The following ASTN2 variants were observed in gnomAD, a reference collection of about 807,000 sequenced individuals.
ASTN2 encodes astrotactin 2, also known as astrotactin-2.
A neutral mutation model predicts 139.8 loss-of-function variants in ASTN2; 54 were observed. The ratio of observed to expected loss-of-function variants is 0.39; its 90% CI spans 0.31 to 0.48. The LOEUF is 0.48. Ranked by LOEUF, ASTN2 falls within the 20% of genes least tolerant of loss-of-function variation. ASTN2 has a pLI of 0.95. For missense variants in ASTN2, 1,565 were observed against 1,725.1 expected, an observed-to-expected ratio of 0.91 and a Z score of 1.64; for synonymous variants, 756 against 719.5, an observed-to-expected ratio of 1.05 and a Z score of -0.81.
chr9:117,159,072 C>T (rs552653218), intron 3 of ASTN2, among the ~76,000 whole-genome samples: 36 of 151,970 alleles, frequency 2.4e-4, no homozygotes, highest in South Asian at 4.2e-4. Flanking sequence ...TGGGAAATGC[C>T]GTGGAATGTT....
At chr9:116,441,272 GT>G (rs1847831688) in intron 21 of ASTN2, among the ~76,000 whole-genome samples, 1 of 151,804 alleles carries the variant, frequency 6.6e-6, no homozygotes, top group Non-Finnish European at 1.5e-5. Context: ...TCTTCTGCTT[GT>G]TGTTCATGGC....
rs994230568 is a variant in ASTN2, at chr9:116,729,195, C to T, written c.2522-99G>A. 3.5e-6 allele frequency: 3 copies of T among 860,398 alleles called. No individual in the cohort carries two copies. The African/African-American group carries it at 5.0e-5, about 14-fold the overall frequency. The allele number at this position is 860,398 out of a possible 1,614,324, so 53.3% of individuals were successfully genotyped here. ...TCTTGGCTCTGGGAAACAGACACCTCTTTGAAGTACAACTTTCACTGGGAT... is the reference window on the plus strand; with the variant it reads ...TCTTGGCTCTGGGAAACAGACACCTTTTTGAAGTACAACTTTCACTGGGAT... On this transcript the variant is annotated intron_variant, in intron 14 of 22. Transcript: ENST00000313400.
At chr9:117,251,571 C>T (rs894916596) in intron 2 of ASTN2, among the ~76,000 whole-genome samples, 30 of 152,072 alleles carry the variant, frequency 2.0e-4, no homozygotes, top group Non-Finnish European at 1.6e-4. Flanking sequence ...TGAATATGTA[C>T]CTGAATAAAT....
chr9:116,561,341 A>G (rs1852904301), intron 19 of ASTN2, among the ~76,000 whole-genome samples: 1 of 152,208 alleles, frequency 6.6e-6, no homozygotes, highest in Non-Finnish European at 1.5e-5. Context: ...GTAGAAGTTC[A>G]ATAAATCTTC....
At chr9:117,280,432 A>G (rs1834297919) in intron 2 of ASTN2, among the ~76,000 whole-genome samples, 1 of 152,186 alleles carries the variant, frequency 6.6e-6, no homozygotes, top group Admixed American at 6.5e-5. Context: ...AATCTTATGT[A>G]TAACAATCTG....
rs1266801720 is a variant in ASTN2 at position 117,102,149 on chromosome 9, GATGA to G, written c.1169-6002_1169-5999del. Among the ~76,000 whole-genome samples, 7 of 152,154 alleles carry G rather than the reference GATGA, an allele frequency of 4.6e-5. No individual in the cohort carries two copies. The East Asian group carries it at 1.3e-3, about 29-fold the overall frequency. ...CAAACGACCCAAATGTCAATCACCT[GATGA>G]ATGGATGAACAAAATGTGGTATATA... On this transcript the variant is annotated intron_variant, in intron 4 of 22. Coordinates refer to ENST00000313400, the MANE Select transcript of ASTN2 (RefSeq NM_001365068.1).
chr9:116,883,804 G>T (rs1833517979), intron 10 of ASTN2, among the ~76,000 whole-genome samples: 1 of 152,172 alleles, frequency 6.6e-6, no homozygotes, highest in Admixed American at 6.5e-5. Flanking sequence ...CAGAGCAATG[G>T]CATAAATAGA....
At chr9:116,660,092 T>C (rs1858464664) in intron 16 of ASTN2, among the ~76,000 whole-genome samples, 2 of 151,912 alleles carry the variant, frequency 1.3e-5, no homozygotes. Context: ...AGGGCATTGT[T>C]GGGTGGCTTC....
chr9:116,492,903 G>T (rs916791672), intron 19 of ASTN2, among the ~76,000 whole-genome samples: 1 of 152,132 alleles, frequency 6.6e-6, no homozygotes, highest in Non-Finnish European at 1.5e-5. Flanking sequence ...ACACTAACAG[G>T]AGAGAGATTG....
intron 17 of ASTN2, among the ~76,000 whole-genome samples, chr9:116,637,366 T>C (rs1015144394): frequency 2.0e-5 from 3 of 152,236 alleles, no homozygotes; most frequent in African/African-American, 4.8e-5. Flanking sequence ...CTAAGCACCT[T>C]ACATGAACTA....
At chr9:116,822,226 A>G (rs10733623) in intron 11 of ASTN2, among the ~76,000 whole-genome samples, 120,161 of 151,494 alleles carry the variant, frequency 0.79, 47,859 homozygotes, top group East Asian at 0.91. Flanking sequence ...TTGGAAATTA[A>G]ATTTTGCCTG....
intron 13 of ASTN2, among the ~76,000 whole-genome samples, chr9:116,760,062 C>T (rs767552158): frequency 5.3e-5 from 8 of 152,110 alleles, no homozygotes; most frequent in Non-Finnish European, 7.3e-5. Flanking sequence ...GCTAACAGGA[C>T]GGGTTTAGGA....
chr9:117,040,036 G>A, intron 5 of ASTN2, 71 bp from the exon 6 acceptor site: 5 of 1,435,492 alleles, frequency 3.5e-6, no homozygotes, highest in Non-Finnish European at 3.7e-6. Flanking sequence ...ATCAAGTTTG[G>A]GAATTCTATT....
intron 3 of ASTN2, among the ~76,000 whole-genome samples, chr9:117,153,873 T>G (rs1830377380): frequency 6.6e-6 from 1 of 152,044 alleles, no homozygotes; most frequent in African/African-American, 2.4e-5. Context: ...AATGAACACA[T>G]GTTTCCAGGC....
intron 11 of ASTN2, among the ~76,000 whole-genome samples, chr9:116,862,284 T>G (rs1832903064): frequency 6.6e-6 from 1 of 152,132 alleles, no homozygotes; most frequent in Non-Finnish European, 1.5e-5. Context: ...ATCCTTCCCT[T>G]CTTCTTTCTT....
At chr9:116,549,986 C>T (rs907406330) in intron 19 of ASTN2, among the ~76,000 whole-genome samples, 3 of 152,194 alleles carry the variant, frequency 2.0e-5, no homozygotes, top group Middle Eastern at 3.2e-3. Context: ...CGCAATGGAA[C>T]CCACAGGCAT....
At chr9:116,728,513 G>A (rs1043591270) in intron 15 of ASTN2, among the ~76,000 whole-genome samples, 1 of 152,100 alleles carries the variant, frequency 6.6e-6, no homozygotes, top group Non-Finnish European at 1.5e-5. Flanking sequence ...GATATAATGT[G>A]GGTGGTGCAT....
chr9:117,247,683 A>G (rs10983581), intron 2 of ASTN2, among the ~76,000 whole-genome samples: 142,909 of 152,308 alleles, frequency 0.94, 67,743 homozygotes, highest in East Asian at 1. Flanking sequence ...TGACAGGCCC[A>G]CAGCCCACAC....
chr9:117,272,568 C>T (rs1479623642), intron 2 of ASTN2, among the ~76,000 whole-genome samples: 1 of 152,194 alleles, frequency 6.6e-6, no homozygotes, highest in Non-Finnish European at 1.5e-5. Context: ...AACTGTTATG[C>T]TGTTTCCCTT....
Sources: allele counts gnomAD v4.1 joint callset (sites outside exome capture counted in the v4.1 genomes callset), GRCh38; gene constraint gnomAD v4.1.1; transcripts MANE v1.5; gene names NCBI Gene and HGNC (gene_info 2026-07-23, HGNC 2026-07-21).